Variants in MCTP1 observed in about 807,000 individuals in gnomAD.
MCTP1 encodes multiple C2 and transmembrane domain containing 1, also known as multiple C2 and transmembrane domain-containing protein 1.
Under a neutral mutation model 120.6 loss-of-function variants are expected in MCTP1, and 69 were observed. The observed-to-expected ratio is 0.57, with a 90% CI of 0.47 to 0.70. MCTP1 has a LOEUF of 0.70. Among genes scored for constraint, MCTP1 ranks in the 30% least tolerant of loss-of-function variants. The pLI, the probability that MCTP1 is intolerant of heterozygous loss-of-function variation, is 0.00. For missense variants in MCTP1, 1,203 were observed against 1,248.8 expected, an observed-to-expected ratio of 0.96 and a Z score of 0.55; for synonymous variants, 529 against 493.1, an observed-to-expected ratio of 1.07 and a Z score of -0.96.
chr5:95,131,598 TTTC>T (rs1362495964), intron 1 of MCTP1, among the ~76,000 whole-genome samples: 1 of 152,234 alleles, frequency 6.6e-6, no homozygotes, highest in Non-Finnish European at 1.5e-5. Flanking sequence ...TCTATTTTTT[TTTC>T]TTTTTTGTCA....
intron 19 of MCTP1, among the ~76,000 whole-genome samples, chr5:94,752,108 A>ATAT (rs1768523763): frequency 1.3e-5 from 1 of 75,756 alleles, no homozygotes; most frequent in Non-Finnish European, 3.1e-5. Flanking sequence ...TAAATAATAA[A>ATAT]ATATATATAT....
intron 1 of MCTP1, among the ~76,000 whole-genome samples, chr5:95,272,247 C>T (rs1759467471): frequency 6.6e-6 from 1 of 151,970 alleles, no homozygotes; most frequent in African/African-American, 2.4e-5. Flanking sequence ...TTAAATTTTG[C>T]CATGAAAAAA....
intron 1 of MCTP1, among the ~76,000 whole-genome samples, chr5:95,166,609 C>A (rs1746405671): frequency 6.7e-6 from 1 of 149,782 alleles, no homozygotes; most frequent in South Asian, 2.1e-4. Flanking sequence ...CACTCGTCAC[C>A]CAGGCTGGGG....
Position 94,942,383 on chromosome 5 carries a change from T to C in MCTP1, c.1026A>G (p.Ser342=), listed in dbSNP as rs751699931. 6.2e-6 allele frequency: 10 copies of C among 1,611,370 alleles called. No individual in the cohort carries two copies. The Admixed American group carries it at 1.7e-4, about 27-fold the overall frequency. Residue 342 remains serine, a synonymous_variant, in exon 4 of 23, where the codon TCA becomes TCG. Coordinates refer to ENST00000515393, the MANE Select transcript of MCTP1 (RefSeq NM_024717.7). ...CCAATTGTGTCAGATCCAGAAAGGC[T>C]GAGCCCATAAAGTCATCCTGTAGTC... ...DFGLQDDFMG[S]AFLDLTQLEL...
chr5:94,831,180 T>G (rs1422850360), intron 17 of MCTP1, among the ~76,000 whole-genome samples: 1 of 152,168 alleles, frequency 6.6e-6, no homozygotes. Context: ...GATTGGAGAC[T>G]GAGAGTTAAG....
chr5:95,206,933 A>G (rs995624522), intron 1 of MCTP1, among the ~76,000 whole-genome samples: 14 of 152,220 alleles, frequency 9.2e-5, no homozygotes, highest in Admixed American at 2.0e-4. Flanking sequence ...GTTGATATAT[A>G]TGATTTCAGG....
At chr5:94,922,088 C>T (rs1010047899) in intron 7 of MCTP1, among the ~76,000 whole-genome samples, 1 of 152,152 alleles carries the variant, frequency 6.6e-6, no homozygotes, top group African/African-American at 2.4e-5. Context: ...AAGGTTATGC[C>T]TATATGACTC....
intron 1 of MCTP1, among the ~76,000 whole-genome samples, chr5:95,166,547 T>G (rs1244110056): frequency 6.6e-6 from 1 of 150,790 alleles, no homozygotes; most frequent in Admixed American, 6.7e-5. Context: ...TAAAAACTTA[T>G]TTACCACCCT....
At chr5:94,814,381 G>A (rs78625138) in intron 17 of MCTP1, among the ~76,000 whole-genome samples, 2,640 of 152,224 alleles carry the variant, frequency 0.017, 83 homozygotes, top group African/African-American at 0.061. Flanking sequence ...TAAAATGCTA[G>A]TCGATGACAC....
At chr5:94,992,582 G>T (rs2153618844) in intron 2 of MCTP1, among the ~76,000 whole-genome samples, 1 of 152,270 alleles carries the variant, frequency 6.6e-6, no homozygotes. Context: ...ACTTTATGCA[G>T]CCACAGGAGT....
At chr5:94,780,618 CT>C (rs1161634163) in intron 18 of MCTP1, among the ~76,000 whole-genome samples, 4 of 152,140 alleles carry the variant, frequency 2.6e-5, no homozygotes, top group Non-Finnish European at 5.9e-5. Flanking sequence ...TTTTGCATAT[CT>C]GATGAGAGCT....
At chr5:95,039,398 C>A (rs1841930316) in intron 1 of MCTP1, among the ~76,000 whole-genome samples, 1 of 152,136 alleles carries the variant, frequency 6.6e-6, no homozygotes, top group Non-Finnish European at 1.5e-5. Context: ...AATGCTCTCA[C>A]CTGAGTGCAA....
intron 17 of MCTP1, among the ~76,000 whole-genome samples, chr5:94,864,550 C>T (rs1796444330): frequency 6.6e-6 from 1 of 151,902 alleles, no homozygotes; most frequent in African/African-American, 2.4e-5. Flanking sequence ...TTGTCTCTCT[C>T]ATGTAGCACT....
At chr5:94,819,243 C>T (rs933046959) in intron 17 of MCTP1, among the ~76,000 whole-genome samples, 7 of 152,048 alleles carry the variant, frequency 4.6e-5, no homozygotes, top group African/African-American at 1.7e-4. Context: ...ATTCTTCTGC[C>T]TCGGCTCCCA....
chr5:94,923,430 CA>C (rs1171880241), intron 7 of MCTP1, among the ~76,000 whole-genome samples: 3 of 152,132 alleles, frequency 2.0e-5, no homozygotes, highest in African/African-American at 7.2e-5. Flanking sequence ...ACATTTAAAA[CA>C]AATTATCTGT....
intron 19 of MCTP1, among the ~76,000 whole-genome samples, chr5:94,720,078 A>T (rs981127635): frequency 6.6e-6 from 1 of 152,074 alleles, no homozygotes. Context: ...GTGAGCTGAG[A>T]TCGCGCCATT....
intron 18 of MCTP1, among the ~76,000 whole-genome samples, chr5:94,795,450 C>G (rs753316016): frequency 9.2e-5 from 14 of 152,326 alleles, no homozygotes; most frequent in Middle Eastern, 6.8e-3. Flanking sequence ...CTGGCATCTA[C>G]TCTTCCACTT....
intron 1 of MCTP1, among the ~76,000 whole-genome samples, chr5:95,120,161 A>T (rs1444602645): frequency 3.6e-5 from 5 of 137,278 alleles, no homozygotes; most frequent in Middle Eastern, 3.5e-3. Context: ...TGGGCGACAG[A>T]GCAAGACTCC....
chr5:94,796,181 T>C (rs1364765103), intron 18 of MCTP1, among the ~76,000 whole-genome samples: 1 of 152,220 alleles, frequency 6.6e-6, no homozygotes, highest in Non-Finnish European at 1.5e-5. Flanking sequence ...CTTTTCTTTC[T>C]TTGCTATACA....
Sources: allele counts gnomAD v4.1 joint callset (sites outside exome capture counted in the v4.1 genomes callset), GRCh38; gene constraint gnomAD v4.1.1; transcripts MANE v1.5; gene names NCBI Gene and HGNC (gene_info 2026-07-23, HGNC 2026-07-21).